Variants in PLCL1 observed in about 807,000 individuals in gnomAD.
PLCL1 encodes the protein inactive phospholipase C-like protein 1.
In PLCL1, 41 loss-of-function variants were observed where a neutral mutation model predicts 84.4. That is an observed-to-expected ratio of 0.49 (90% confidence interval 0.38 to 0.63). PLCL1 has a LOEUF of 0.63. Ranked by LOEUF, PLCL1 falls within the 30% of genes least tolerant of loss-of-function variation. PLCL1 has a pLI of 0.00. For synonymous variants in PLCL1, 490 were observed against 488.3 expected, an observed-to-expected ratio of 1.00 and a Z score of -0.05; for missense variants, 1,206 against 1,367.8, an observed-to-expected ratio of 0.88 and a Z score of 1.87.
chr2:198,026,598 G>A (rs962994977), intron 1 of PLCL1, among the ~76,000 whole-genome samples: 1 of 152,008 alleles, frequency 6.6e-6, no homozygotes, highest in African/African-American at 2.4e-5. Context: ...GTATGGAAAG[G>A]GTTTAGTAAT....
At chr2:197,913,880 T>TTATA (rs141941379) in intron 1 of PLCL1, among the ~76,000 whole-genome samples, 4 of 150,146 alleles carry the variant, frequency 2.7e-5, no homozygotes, top group East Asian at 1.9e-4. Flanking sequence ...TGTCTTGGTT[T>TTATA]TATATATATA....
chr2:197,805,362 G>A lies in PLCL1; in HGVS notation c.240+23G>A. 7.5e-7 allele frequency: 1 copy of A among 1,338,110 alleles called. No individual in the cohort carries two copies. Among genetic ancestry groups the A allele is most frequent in the Non-Finnish European group, 9.5e-7 (1 of 1,050,266 alleles). 82.9% of individuals were successfully genotyped at this position (1,338,110 alleles called of 1,614,324 possible). A position where few individuals can be genotyped will look rare whatever the true frequency, so the allele number is the denominator to read the frequency against. ...AAGGTAAGCAAAGCCGCGCCGCACC[G>A]GGAGCGTGGCTGTGGGTGATGGGTG... On this transcript the variant is annotated intron_variant, in intron 1 of 5. Coordinates refer to ENST00000428675, the MANE Select transcript of PLCL1 (RefSeq NM_006226.4). The surrounding 1 kb of genome is among the most constrained non-coding windows in gnomAD (Gnocchi z 4.0).
intron 3 of PLCL1, among the ~76,000 whole-genome samples, chr2:198,089,747 G>A (rs899194350): frequency 2.0e-5 from 3 of 152,120 alleles, no homozygotes. Flanking sequence ...AGGGGAGAAT[G>A]GATATTAAGG....
intron 1 of PLCL1, among the ~76,000 whole-genome samples, chr2:197,867,290 A>T (rs573536671): frequency 5.9e-5 from 9 of 152,208 alleles, no homozygotes; most frequent in Non-Finnish European, 1.0e-4. Flanking sequence ...ATACACATAG[A>T]TAGTGAATAC....
At chr2:197,850,227 T>C (rs1317005285) in intron 1 of PLCL1, among the ~76,000 whole-genome samples, 1 of 152,232 alleles carries the variant, frequency 6.6e-6, no homozygotes, top group Non-Finnish European at 1.5e-5. Flanking sequence ...CTGCTCTAAC[T>C]GTTTTGTTTT....
At chr2:198,033,521 A>G (rs769459280) in intron 1 of PLCL1, among the ~76,000 whole-genome samples, 3 of 152,152 alleles carry the variant, frequency 2.0e-5, no homozygotes, top group Non-Finnish European at 2.9e-5. Flanking sequence ...GGATCAGTAT[A>G]ATGTAAACCT....
At chr2:198,010,581 A>G (rs924114734) in intron 1 of PLCL1, among the ~76,000 whole-genome samples, 6 of 151,908 alleles carry the variant, frequency 3.9e-5, no homozygotes, top group Non-Finnish European at 7.4e-5. Flanking sequence ...GGGTTTTTGC[A>G]TCAGTATTCA....
intron 1 of PLCL1, among the ~76,000 whole-genome samples, chr2:197,890,764 A>G (rs562664186): frequency 1.4e-5 from 2 of 146,874 alleles, no homozygotes; most frequent in South Asian, 2.1e-4. Flanking sequence ...GTATATATAC[A>G]TATATACACA....
chr2:197,883,357 G>A (rs1687863448), intron 1 of PLCL1, among the ~76,000 whole-genome samples: 1 of 152,142 alleles, frequency 6.6e-6, no homozygotes, highest in Non-Finnish European at 1.5e-5. Flanking sequence ...GTAGACTGAG[G>A]AAGAAGTTAT....
chr2:197,879,823 G>A (rs1687798495), intron 1 of PLCL1, among the ~76,000 whole-genome samples: 1 of 152,068 alleles, frequency 6.6e-6, no homozygotes, highest in Non-Finnish European at 1.5e-5. Context: ...AAGGTCTTTG[G>A]AAGCCATTTT....
chr2:198,142,620 T>C (rs1236475745), intron 5 of PLCL1, among the ~76,000 whole-genome samples: 2 of 152,216 alleles, frequency 1.3e-5, no homozygotes, highest in Admixed American at 6.5e-5. Flanking sequence ...TCCATGTTAC[T>C]TTCTAAATGT....
chr2:198,091,957 C>T (rs1385903861), intron 3 of PLCL1, among the ~76,000 whole-genome samples: 3 of 119,308 alleles, frequency 2.5e-5, no homozygotes, highest in East Asian at 2.0e-4. Flanking sequence ...CAACCTCACC[C>T]GTCTCTCCAG....
Position 197,936,141 on chromosome 2 carries a change from T to C in PLCL1, c.240+130802T>C, listed in dbSNP as rs916796285. 8.5e-3 allele frequency among the ~76,000 whole-genome samples: 659 copies of C among 77,896 alleles called. 2 individuals carry two copies. Among genetic ancestry groups the C allele is most frequent in the Middle Eastern group, 0.026 (3 of 116 alleles). 51.1% of individuals were successfully genotyped at this position (77,896 alleles called of 152,430 possible). A position where few individuals can be genotyped will look rare whatever the true frequency, so the allele number is the denominator to read the frequency against. On this transcript the variant is annotated intron_variant, in intron 1 of 5. Coordinates refer to ENST00000428675, the MANE Select transcript of PLCL1 (RefSeq NM_006226.4). ...ATACATATATTAAACACCCCCCCCC[T>C]CACATTTTCTTTATCCATTCATGCA...
At chr2:197,928,550 G>A (rs1341111228) in intron 1 of PLCL1, among the ~76,000 whole-genome samples, 2 of 152,108 alleles carry the variant, frequency 1.3e-5, no homozygotes, top group South Asian at 2.1e-4. Flanking sequence ...TTATGAAATG[G>A]ATTATTATTT....
At chr2:197,991,175 G>GAAC (rs1690338999) in intron 1 of PLCL1, among the ~76,000 whole-genome samples, 1 of 152,128 alleles carries the variant, frequency 6.6e-6, no homozygotes, top group African/African-American at 2.4e-5. Flanking sequence ...ACAAAGGAAA[G>GAAC]AGAAACTCAC....
rs1479068999 is a variant in PLCL1, at chr2:198,149,323, T to C, written c.*2361T>C. 2.6e-5 allele frequency: 4 copies of C among 152,332 alleles called. No individual in the cohort carries two copies. The East Asian group carries it at 7.5e-4, about 29-fold the overall frequency. The allele number at this position is 152,332 out of a possible 1,614,324, so 9.4% of individuals were successfully genotyped here. A position where few individuals can be genotyped will look rare whatever the true frequency, so the allele number is the denominator to read the frequency against. Reference sequence around the variant, plus strand: ...AGATTTGGTGATGCTAGGAATGTAGTGTTTTAGATATTAATTCTATTTTTA... The same window carrying C: ...AGATTTGGTGATGCTAGGAATGTAGCGTTTTAGATATTAATTCTATTTTTA... On this transcript the variant is annotated 3_prime_UTR_variant, in exon 6 of 6. Transcript: ENST00000428675.
At chr2:197,982,060 GTTTAA>G (rs1690117242) in intron 1 of PLCL1, among the ~76,000 whole-genome samples, 1 of 151,600 alleles carries the variant, frequency 6.6e-6, no homozygotes, top group African/African-American at 2.4e-5. Context: ...TAGTTTAATA[GTTTAA>G]TTTATGTGGG....
chr2:197,897,154 T>C (rs1026024051), intron 1 of PLCL1, among the ~76,000 whole-genome samples: 4 of 32,464 alleles, frequency 1.2e-4, no homozygotes, highest in Non-Finnish European at 2.2e-4. Context: ...CTTCTTCTTC[T>C]TCTTCTTCTT....
intron 2 of PLCL1, among the ~76,000 whole-genome samples, chr2:198,087,771 G>A (rs1283405162): frequency 6.6e-6 from 1 of 152,088 alleles, no homozygotes; most frequent in Non-Finnish European, 1.5e-5. Flanking sequence ...TTGCATGCCT[G>A]TATCAAGACT....
Sources: allele counts gnomAD v4.1 joint callset (sites outside exome capture counted in the v4.1 genomes callset), GRCh38; gene constraint gnomAD v4.1.1; non-coding constraint Gnocchi (gnomAD v3.1); transcripts MANE v1.5; gene names NCBI Gene and HGNC (gene_info 2026-07-23, HGNC 2026-07-21).